The following TG variants were observed in gnomAD, a reference collection of about 807,000 sequenced individuals.
TG encodes thyroid hormones.
In TG, 270 loss-of-function variants were observed where a neutral mutation model predicts 324.7. That is an observed-to-expected ratio of 0.83 (90% CI 0.75 to 0.92). The LOEUF (loss-of-function observed/expected upper bound fraction) is 0.92, where lower values mean the gene tolerates loss of function less well. Ranked by LOEUF, TG falls within the 40% of genes least tolerant of loss-of-function variation. TG has a pLI of 0.00. For missense variants in TG, 3,591 were observed against 3,456.4 expected (o/e 1.04, Z -0.98); for synonymous variants, 1,401 against 1,327.0 (o/e 1.06, Z -1.21).
rs779484127 is a variant in TG, at chr8:132,967,906, G to A, written c.5799G>A (p.Glu1933=). 6.2e-7 allele frequency: 1 copy of A among 1,614,008 alleles called. No homozygotes were observed. Among genetic ancestry groups the A allele is most frequent in the Non-Finnish European group, 8.5e-7 (1 of 1,179,946 alleles). ...PEAQVCDDIM[E]SNAQGCRLIL... ...CACAGGTGTGTGATGACATCATGGA[G>A]TCCAATGCCCAGGGCTGCAGACTGA... The change falls in exon 31 of 48, where the codon GAG becomes GAA. Residue 1933 remains glutamate (E), a synonymous_variant. Transcript: ENST00000220616.
chr8:132,894,318 C>A (rs1182159348), intron 11 of TG, among the ~76,000 whole-genome samples: 1 of 152,020 alleles, frequency 6.6e-6, no homozygotes, highest in Non-Finnish European at 1.5e-5. Context: ...GAGGAAGCCT[C>A]GATATTAAGT....
At chr8:132,915,536 A>G (rs370612718) in intron 20 of TG, among the ~76,000 whole-genome samples, 186 of 152,196 alleles carry the variant, frequency 1.2e-3, no homozygotes, top group African/African-American at 4.3e-3. Flanking sequence ...GAGCCACAGG[A>G]TGGGGCGTAG....
chr8:132,946,037 TACACACACACACACAC>T (rs5895165), intron 26 of TG, among the ~76,000 whole-genome samples: 4 of 116,872 alleles, frequency 3.4e-5, no homozygotes, highest in Admixed American at 9.2e-5. Flanking sequence ...AAAAATATGT[TACACACACACACACAC>T]ACACACACAC....
chr8:132,947,287 C>T (rs961893504), intron 26 of TG, among the ~76,000 whole-genome samples: 8 of 152,192 alleles, frequency 5.3e-5, no homozygotes, highest in Non-Finnish European at 1.0e-4. Flanking sequence ...CCTACCAAGT[C>T]AGAAACTCTG....
Position 132,972,538 on chromosome 8 carries a change from C to T in TG, c.6056-60C>T, listed in dbSNP as rs1829666860. ...TGCAGAATTTTTCTCATTTATTAGA[C>T]TCTTCCATTGTACTCAGTTTCCTGA... On this transcript the variant is annotated intron_variant, in intron 33 of 47. Coordinates refer to ENST00000220616, the MANE Select transcript of TG (RefSeq NM_003235.5). 6.3e-6 allele frequency: 10 copies of T among 1,585,422 alleles called. No individual in the cohort carries two copies. In the South Asian group the frequency reaches 1.1e-4, roughly 18 times the overall value.
intron 1 of TG, 61 bp downstream of exon 1, chr8:132,867,128 T>C: frequency 1.4e-6 from 2 of 1,444,798 alleles, no homozygotes; most frequent in Non-Finnish European, 9.6e-7. Context: ...AGCCAGGCTC[T>C]GCCCTGGGCC....
intron 37 of TG, 45 bp from the exon 38 acceptor site, chr8:133,017,732 GA>G (rs1477525112): frequency 6.4e-7 from 1 of 1,574,634 alleles, no homozygotes; most frequent in South Asian, 1.1e-5. Context: ...AGCACTCACT[GA>G]GGCCTCTCCC....
At chr8:133,090,241 G>A (rs548504464) in intron 41 of TG, 2 of 152,332 alleles carry the variant, frequency 1.3e-5, no homozygotes, top group South Asian at 4.1e-4. Context: ...GAGGCCCAGT[G>A]GTCTGGTGAG....
At chr8:133,099,483 T>C (rs893337305) in intron 43 of TG, among the ~76,000 whole-genome samples, 26 of 152,220 alleles carry the variant, frequency 1.7e-4, no homozygotes, top group Admixed American at 7.8e-4. Context: ...TAAACATGTG[T>C]CTGCACACAG....
rs745950808 is a variant in TG at position 133,116,631 on chromosome 8, A to G, written c.7777A>G (p.Ile2593Val). Residue 2593 changes from isoleucine to valine, a missense_variant, in exon 45 of 48, where the codon ATA becomes GTA. Ile to Val is a conservative substitution (Grantham distance 29). Transcript: ENST00000220616. Reference protein sequence around the residue: ...ATRDYFIICPIIDMASAWAKR... With the variant: ...ATRDYFIICPVIDMASAWAKR... ...CAGGGACTACTTTATCATCTGCCCT[A>G]TAATCGACATGGCCAGTGCCTGGGC... 1.9e-6 allele frequency: 3 copies of G among 1,614,110 alleles called. No homozygotes were observed. Among genetic ancestry groups the G allele is most frequent in the Admixed American group, 1.7e-5 (1 of 60,016 alleles).
chr8:132,968,779 G>A (rs1004600694), intron 31 of TG, among the ~76,000 whole-genome samples: 1 of 152,198 alleles, frequency 6.6e-6, no homozygotes, highest in Non-Finnish European at 1.5e-5. Context: ...CTCAACACCT[G>A]GCCTTGGGGC....
intron 41 of TG, chr8:133,037,713 C>T (rs911370743): frequency 4.6e-5 from 7 of 151,534 alleles, no homozygotes; most frequent in Admixed American, 1.3e-4. Flanking sequence ...TAAATGAATA[C>T]TTGATGCATT....
intron 31 of TG, among the ~76,000 whole-genome samples, chr8:132,969,042 C>T (rs191543885): frequency 5.3e-5 from 8 of 152,144 alleles, no homozygotes; most frequent in East Asian, 3.9e-4. Flanking sequence ...CATCTAGAGG[C>T]CAAATAGCTT....
In TG at chr8:133,116,721, G is replaced by C. The variant is rs540375301; in HGVS notation, c.7862+5G>C. ...TGAAAACTACGGCCATGGCAGGTAA[G>C]ACGCTGCAGGGAAGCAGAGAAAGGA... On this transcript the variant is annotated splice_donor_5th_base_variant and intron_variant, in intron 45 of 47. Transcript: ENST00000220616. 6.6e-5 allele frequency: 107 copies of C among 1,612,674 alleles called. 1 individual carries two copies. The highest frequency in any genetic ancestry group is 5.8e-4 in the South Asian group (53 of 91,064).
At chr8:133,044,708 G>A (rs541905247) in intron 41 of TG, among the ~76,000 whole-genome samples, 6 of 152,302 alleles carry the variant, frequency 3.9e-5, no homozygotes, top group East Asian at 1.9e-4. Flanking sequence ...TGTGCAAGCT[G>A]GTTGCAGTTG....
intron 45 of TG, among the ~76,000 whole-genome samples, chr8:133,123,315 A>C (rs1564214141): frequency 6.6e-6 from 1 of 151,870 alleles, no homozygotes; most frequent in Non-Finnish European, 1.5e-5. Context: ...TGTGCCAGAG[A>C]AACAGAGGGG....
intron 43 of TG, among the ~76,000 whole-genome samples, chr8:133,108,219 C>G (rs1421028243): frequency 1.3e-5 from 2 of 151,908 alleles, no homozygotes; most frequent in Non-Finnish European, 2.9e-5. Context: ...ATCTCCTGAC[C>G]TTGTGATCTG....
In TG at chr8:132,888,501, C is replaced by G; in HGVS notation, c.2694C>G (p.Cys898Trp). 6.2e-7 allele frequency: 1 copy of G among 1,610,130 alleles called. No homozygotes were observed. The highest frequency in any genetic ancestry group is 8.5e-7 in the Non-Finnish European group (1 of 1,178,286). Residue 898 changes from cysteine to tryptophan, a missense_variant, in exon 10 of 48, where the codon TGC (cysteine) becomes TGG (tryptophan). Physicochemically the swap from Cys to Trp is radical, Grantham distance 215. Coordinates refer to ENST00000220616, the MANE Select transcript of TG (RefSeq NM_003235.5). ...TPLAHFDLRN[C>W]WCVDEAGQEL... ...TGGCACATTTTGATCTTCGGAACTG[C>G]TGGTGTGTGGATGAGGCTGGCCAAG...
intron 38 of TG, 130 bp downstream of exon 38, chr8:133,018,127 T>G: frequency 1.1e-6 from 1 of 875,426 alleles, no homozygotes; most frequent in Non-Finnish European, 1.8e-6. Context: ...TGGAATATAT[T>G]AGCTAAGATA....
Sources: allele counts gnomAD v4.1 joint callset (sites outside exome capture counted in the v4.1 genomes callset), GRCh38; gene constraint gnomAD v4.1.1; transcripts MANE v1.5; gene names NCBI Gene and HGNC (gene_info 2026-07-23, HGNC 2026-07-21).